BCL2L13: variants seen among roughly 807,000 people sequenced by gnomAD.
The protein encoded by BCL2L13 is BCL2 like 13.
In BCL2L13, 13 loss-of-function variants were observed where a neutral mutation model predicts 25.8. That is an observed-to-expected ratio of 0.50 (90% CI 0.33 to 0.80). The LOEUF (loss-of-function observed/expected upper bound fraction) is 0.80. Among genes scored for constraint, BCL2L13 ranks in the 30% least tolerant of loss-of-function variants. The pLI, the probability that BCL2L13 is intolerant of heterozygous loss-of-function variation, is 0.02. For missense variants in BCL2L13, 504 were observed against 574.9 expected, an observed-to-expected ratio of 0.88 and a Z score of 1.26; for synonymous variants, 244 against 230.3, an observed-to-expected ratio of 1.06 and a Z score of -0.54.
Position 17,689,107 on chromosome 22 carries a change from G to T in BCL2L13, c.351G>T (p.Glu117Asp), listed in dbSNP as rs756663576. ...LGEKVSQELK[E>D]PLHKALQMLL... ...AAAAAGTGTCCCAGGAACTGAAAGA[G>T]CCTCTCCATAAAGCATTGCAAATGC... Residue 117 changes from glutamate (E) to aspartate (D), a missense_variant, in exon 4 of 7, where the codon GAG becomes GAT. By Grantham distance (45) the Glu-to-Asp change is conservative. Coordinates refer to ENST00000317582, the MANE Select transcript of BCL2L13 (RefSeq NM_015367.4). 2 of 1,614,040 alleles carry T rather than the reference G, an allele frequency of 1.2e-6. No homozygotes were observed. The highest frequency in any genetic ancestry group is 1.3e-5 in the African/African-American group (1 of 74,922).
chr22:17,655,018 A>G (rs200490619), intron 1 of BCL2L13, among the ~76,000 whole-genome samples: 6 of 152,180 alleles, frequency 3.9e-5, no homozygotes, highest in Non-Finnish European at 8.8e-5. Context: ...GCCACCATGC[A>G]TTGCCTGTAT....
At chr22:17,645,300 C>CA (rs1354825366) in intron 1 of BCL2L13, among the ~76,000 whole-genome samples, 5 of 144,362 alleles carry the variant, frequency 3.5e-5, no homozygotes, top group Non-Finnish European at 5.9e-5. Context: ...AGGCTCACCG[C>CA]AACCTCTGCT....
chr22:17,729,495 T>G lies in BCL2L13; in HGVS notation c.*1961T>G, dbSNP rs1047978193. The stretch of plus-strand genomic sequence containing the variant: ...GCAAACTGGTGCGTTATCTTGATTT[T>G]TAAAAAGTAATAAATCCTATGAGTT... On this transcript the variant is annotated 3_prime_UTR_variant, in exon 7 of 7. Transcript: ENST00000317582. The G allele has an allele frequency of 2.0e-5, 3 of 152,198 alleles. No individual in the cohort carries two copies. Among genetic ancestry groups the G allele is most frequent in the Non-Finnish European group, 2.9e-5 (2 of 68,038 alleles). 9.4% of individuals were successfully genotyped at this position (152,198 alleles called of 1,614,324 possible).
chr22:17,713,347 T>C (rs973610008), intron 6 of BCL2L13, among the ~76,000 whole-genome samples: 1 of 151,990 alleles, frequency 6.6e-6, no homozygotes, highest in East Asian at 1.9e-4. Context: ...TAAACAAATA[T>C]CAAGAAAGCC....
rs770042294 is a variant in BCL2L13 at position 17,729,232 on chromosome 22, C to CT, written c.*1699dup. On this transcript the variant is annotated 3_prime_UTR_variant, in exon 7 of 7. Transcript: ENST00000317582. ...ATTTAAAAATTGGTCAAAACAAGGT[C>CT]TGGGAGTATGTTTGTGTGTCTTTCC... 6.6e-5 allele frequency: 10 copies of CT among 152,098 alleles called. No individual in the cohort carries two copies. Among genetic ancestry groups the CT allele is most frequent in the Admixed American group, 1.3e-4 (2 of 15,278 alleles). The allele number at this position is 152,098 out of a possible 1,614,324, so 9.4% of individuals were successfully genotyped here. A position where few individuals can be genotyped will look rare whatever the true frequency, so the allele number is the denominator to read the frequency against.
At chr22:17,652,054 G>A in intron 1 of BCL2L13, among the ~76,000 whole-genome samples, 1 of 152,158 alleles carries the variant, frequency 6.6e-6, no homozygotes, top group East Asian at 1.9e-4. Context: ...GTAGGTACTT[G>A]AAAATTCAGT....
At chr22:17,690,230 G>T (rs2060065432) in intron 4 of BCL2L13, among the ~76,000 whole-genome samples, 1 of 152,022 alleles carries the variant, frequency 6.6e-6, no homozygotes, top group African/African-American at 2.4e-5. Context: ...GGAGGCTGAG[G>T]CAGGAGTATC....
chr22:17,634,082 C>G (rs2058068867), upstream of BCL2L13, among the ~76,000 whole-genome samples: 1 of 152,096 alleles, frequency 6.6e-6, no homozygotes, highest in African/African-American at 2.4e-5. Flanking sequence ...TCCTTTAGGT[C>G]TCAAAATCTC....
chr22:17,708,098 A>G (rs1328852749), intron 6 of BCL2L13, among the ~76,000 whole-genome samples: 3 of 152,090 alleles, frequency 2.0e-5, no homozygotes, highest in Admixed American at 6.5e-5. Context: ...GCAAAGTTAT[A>G]TTTGTATTTT....
intron 2 of BCL2L13, among the ~76,000 whole-genome samples, chr22:17,663,139 G>A (rs188102802): frequency 9.8e-4 from 149 of 152,240 alleles, no homozygotes; most frequent in Non-Finnish European, 1.7e-3. Context: ...TCAAAGTGCT[G>A]GGATTACAGG....
chr22:17,649,792 T>G (rs1427067009), intron 1 of BCL2L13, among the ~76,000 whole-genome samples: 1 of 151,778 alleles, frequency 6.6e-6, no homozygotes, highest in African/African-American at 2.4e-5. Flanking sequence ...CGTGAGCCAC[T>G]GTGCCTGGCC....
At chr22:17,630,298 GAGAC>G (rs1408259486) in intron 1 of BCL2L13, among the ~76,000 whole-genome samples, 1 of 102,842 alleles carries the variant, frequency 9.7e-6, no homozygotes, top group Non-Finnish European at 2.0e-5. Context: ...TTTTTTTTTT[GAGAC>G]AGAGTCTCAC....
intron 3 of BCL2L13, among the ~76,000 whole-genome samples, chr22:17,688,770 T>TG (rs1282903018): frequency 6.7e-6 from 1 of 148,178 alleles, no homozygotes; most frequent in Non-Finnish European, 1.5e-5. Context: ...ATATTGTTGT[T>TG]TTTTTTTTTT....
upstream of BCL2L13, chr22:17,638,567 C>A: frequency 1.3e-6 from 1 of 762,252 alleles, no homozygotes; most frequent in Non-Finnish European, 1.8e-6. Flanking sequence ...ATCTGAGAGA[C>A]GGAACTTCCG....
intron 1 of BCL2L13, among the ~76,000 whole-genome samples, chr22:17,640,876 A>C (rs1435399239): frequency 7.4e-6 from 1 of 134,726 alleles, no homozygotes; most frequent in Non-Finnish European, 1.5e-5. Flanking sequence ...TTTGTTTATT[A>C]ATTTTTTATA....
At chr22:17,640,436 G>A (rs916005892) in intron 1 of BCL2L13, among the ~76,000 whole-genome samples, 1 of 152,036 alleles carries the variant, frequency 6.6e-6, no homozygotes, top group Admixed American at 6.6e-5. Context: ...AGATGCCTAA[G>A]GCTATATCTA....
intron 2 of BCL2L13, among the ~76,000 whole-genome samples, chr22:17,663,251 A>C (rs1252199769): frequency 6.6e-6 from 1 of 152,158 alleles, no homozygotes; most frequent in Non-Finnish European, 1.5e-5. Flanking sequence ...CTAGCTTAAG[A>C]GTGAGTAGTA....
At chr22:17,720,410 G>GC (rs2061086584) in intron 6 of BCL2L13, among the ~76,000 whole-genome samples, 2 of 152,060 alleles carry the variant, frequency 1.3e-5, no homozygotes, top group African/African-American at 4.8e-5. Flanking sequence ...AGGCCGGAGT[G>GC]CACTGGCGCG....
At chr22:17,681,409 G>C (rs1246903299) in intron 2 of BCL2L13, among the ~76,000 whole-genome samples, 1 of 151,842 alleles carries the variant, frequency 6.6e-6, no homozygotes, top group African/African-American at 2.4e-5. Context: ...GGGAGCAGGA[G>C]AATGGCGTGA....
Sources: gnomAD v4.1 joint callset for allele counts (sites outside exome capture counted in the v4.1 genomes callset) on GRCh38, gnomAD v4.1.1 for gene constraint, MANE v1.5 for transcripts, NCBI Gene and HGNC (gene_info 2026-07-23, HGNC 2026-07-21) for gene names.